ERN1: variants seen among roughly 807,000 people sequenced by gnomAD.
The protein encoded by ERN1 is endoplasmic reticulum to nucleus signaling 1.
ERN1 carries 39 observed loss-of-function variants against 113.1 expected under a neutral mutation model. That is an observed-to-expected ratio of 0.34 (90% CI 0.27 to 0.45). The LOEUF is 0.45. Among genes scored for constraint, ERN1 ranks in the 20% least tolerant of loss-of-function variants. The probability of loss-of-function intolerance (pLI) is 1.00; values close to 1 mark genes in which losing one functional copy is unlikely to be tolerated. For missense variants in ERN1, 976 were observed against 1,274.8 expected (o/e 0.77, Z 3.57); for synonymous variants, 507 against 515.9 (o/e 0.98, Z 0.23).
In ERN1 at chr17:64,042,455, C is replaced by T. The variant is rs1398856904; in HGVS notation, c.*1533G>A. Reference sequence around the variant, plus strand: ...GAAAACATCTTACAACATGAAGAAACAGTGATTTCTCTGTGAGTAAAATTC... The same window carrying T: ...GAAAACATCTTACAACATGAAGAAATAGTGATTTCTCTGTGAGTAAAATTC... On this transcript the variant is annotated 3_prime_UTR_variant, in exon 22 of 22. Coordinates refer to ENST00000433197, the MANE Select transcript of ERN1 (RefSeq NM_001433.5). 1.3e-5 allele frequency: 2 copies of T among 152,144 alleles called. No individual in the cohort carries two copies. The highest frequency in any genetic ancestry group is 2.4e-5 in the African/African-American group (1 of 41,422). The allele number at this position is 152,144 out of a possible 1,614,324, so 9.4% of individuals were successfully genotyped here.
At chr17:64,090,820 C>T (rs1215742457) in intron 2 of ERN1, among the ~76,000 whole-genome samples, 1 of 152,156 alleles carries the variant, frequency 6.6e-6, no homozygotes, top group African/African-American at 2.4e-5. Flanking sequence ...AAACCAGTCC[C>T]TGTTGAAGCT....
chr17:64,039,642 TAAATAG>T lies in ERN1; in HGVS notation c.*4340_*4345del, dbSNP rs1332000353. The stretch of plus-strand genomic sequence containing the variant: ...TTTCAGAGTAAAAATTAAATAAATA[TAAATAG>T]GTTAAATAAATAGGTCATTGCAAAA... On this transcript the variant is annotated 3_prime_UTR_variant, in exon 22 of 22. Transcript: ENST00000433197. 6.6e-6 allele frequency: 1 copy of T among 152,142 alleles called. No homozygotes were observed. Among genetic ancestry groups the T allele is most frequent in the Non-Finnish European group, 1.5e-5 (1 of 68,028 alleles). The allele number at this position is 152,142 out of a possible 1,614,324, so 9.4% of individuals were successfully genotyped here. A position where few individuals can be genotyped will look rare whatever the true frequency, so the allele number is the denominator to read the frequency against.
chr17:64,063,979 CTCTTACCTA>C lies in ERN1; in HGVS notation c.1085_1087+6del. The stretch of plus-strand genomic sequence containing the variant: ...ACCTCAGGCTACTGTGGGAGACCTG[CTCTTACCTA>C]TCAGAAGCCAGTAATTCCTCAAGTA... On this transcript the variant is annotated splice_donor_variant and splice_donor_5th_base_variant and coding_sequence_variant and intron_variant, in exon 10 of 22. Coordinates refer to ENST00000433197, the MANE Select transcript of ERN1 (RefSeq NM_001433.5). LOFTEE classifies it high-confidence loss of function. This position sits in a 1 kb window ranked among gnomAD's most constrained non-coding sequence, Gnocchi z 5.1. 6.2e-7 allele frequency: 1 copy of C among 1,613,424 alleles called. No homozygotes were observed. Among genetic ancestry groups the C allele is most frequent in the Non-Finnish European group, 8.5e-7 (1 of 1,179,558 alleles).
In ERN1 at chr17:64,044,848, C is replaced by T; in HGVS notation, c.2721+12G>A. ...CACTGGGTCTCCTCCCCAGCATTTA[C>T]AAACTGCTTACCTTATTTCTCATGG... On this transcript the variant is annotated intron_variant, in intron 21 of 21. Coordinates refer to ENST00000433197, the MANE Select transcript of ERN1 (RefSeq NM_001433.5). The surrounding 1 kb of genome is among the most constrained non-coding windows in gnomAD (Gnocchi z 4.1). 1 of 1,568,554 alleles carries T rather than the reference C, an allele frequency of 6.4e-7. No homozygotes were observed. Among genetic ancestry groups the T allele is most frequent in the South Asian group, 1.2e-5 (1 of 85,678 alleles).
rs189268645 is a variant in ERN1, at chr17:64,105,772, C to T, written c.55-7531G>A. ...CCTGAGATCAGGAGTTCGAGACCAG[C>T]CTGGCCAACGTGGTGAAACCCTGTC... On this transcript the variant is annotated intron_variant, in intron 1 of 21. Coordinates refer to ENST00000433197, the MANE Select transcript of ERN1 (RefSeq NM_001433.5). Among the ~76,000 whole-genome samples the T allele has an allele frequency of 2.5e-3, 377 of 152,280 alleles. 6 individuals are homozygous for T. The highest frequency in any genetic ancestry group is 0.024 in the Admixed American group (360 of 15,294).
At chr17:64,091,135 A>G (rs1567876929) in intron 2 of ERN1, among the ~76,000 whole-genome samples, 1 of 152,236 alleles carries the variant, frequency 6.6e-6, no homozygotes, top group Non-Finnish European at 1.5e-5. Context: ...TTAACAAAAC[A>G]TCATCACTTT....
In ERN1 at chr17:64,045,262, G is replaced by T; in HGVS notation, c.2653+97C>A. On this transcript the variant is annotated intron_variant, in intron 20 of 21. Coordinates refer to ENST00000433197, the MANE Select transcript of ERN1 (RefSeq NM_001433.5). ...TCAAACCTGACAGGTGGGATGTGGG[G>T]CCTGAACAGCCTGGAGCGGCCATTT... 2.1e-5 allele frequency: 30 copies of T among 1,416,618 alleles called. 1 individual carries two copies. In the South Asian group the frequency reaches 3.7e-4, roughly 17 times the overall value. 87.8% of individuals were successfully genotyped at this position (1,416,618 alleles called of 1,614,324 possible).
chr17:64,088,815 A>G (rs1273207499), intron 2 of ERN1, among the ~76,000 whole-genome samples: 1 of 152,150 alleles, frequency 6.6e-6, no homozygotes, highest in Non-Finnish European at 1.5e-5. Context: ...AGCCGGCCCC[A>G]AGCACAGGGA....
intron 17 of ERN1, among the ~76,000 whole-genome samples, chr17:64,051,441 C>T (rs1204279207): frequency 6.6e-6 from 1 of 152,222 alleles, no homozygotes; most frequent in Non-Finnish European, 1.5e-5. Flanking sequence ...CAGATACAAT[C>T]TGCCATCACA....
chr17:64,050,942 G>A (rs1375240911), intron 17 of ERN1, among the ~76,000 whole-genome samples: 2 of 152,236 alleles, frequency 1.3e-5, no homozygotes, highest in Non-Finnish European at 2.9e-5. Flanking sequence ...GGTCTCCATC[G>A]GGGAGTGTCC....
At position 64,039,363 on chromosome 17, in the gene ERN1, T is replaced by C. The variant is rs1404839184; in HGVS notation, c.*4625A>G. ...TTTGGGTTCCACAAAGAAGACTGTATCACACAATTAACACGTACTAATTAA... is the reference window on the plus strand; with the variant it reads ...TTTGGGTTCCACAAAGAAGACTGTACCACACAATTAACACGTACTAATTAA... On this transcript the variant is annotated 3_prime_UTR_variant, in exon 22 of 22. Transcript: ENST00000433197. 6.6e-6 allele frequency: 1 copy of C among 152,168 alleles called. No homozygotes were observed. Among genetic ancestry groups the C allele is most frequent in the East Asian group, 1.9e-4 (1 of 5,196 alleles). 9.4% of individuals were successfully genotyped at this position (152,168 alleles called of 1,614,324 possible).
At position 64,049,364 on chromosome 17, in the gene ERN1, C is replaced by T. The variant is rs531208993; in HGVS notation, c.2254-162G>A. ...GCACAGAGCAGCGAGGGCTAACCTGCAGCACTGCATGGGTGTCAGAGGTCC... is the reference window on the plus strand; with the variant it reads ...GCACAGAGCAGCGAGGGCTAACCTGTAGCACTGCATGGGTGTCAGAGGTCC... On this transcript the variant is annotated intron_variant, in intron 17 of 21. Coordinates refer to ENST00000433197, the MANE Select transcript of ERN1 (RefSeq NM_001433.5). This position sits in a 1 kb window ranked among gnomAD's most constrained non-coding sequence, Gnocchi z 4.7. 6.6e-6 allele frequency among the ~76,000 whole-genome samples: 1 copy of T among 152,344 alleles called. No homozygotes were observed. The highest frequency in any genetic ancestry group is 1.9e-4 in the East Asian group (1 of 5,184).
intron 16 of ERN1, 63 bp downstream of exon 16, chr17:64,053,209 C>A: frequency 7.2e-7 from 1 of 1,396,784 alleles, no homozygotes; most frequent in Admixed American, 2.1e-5. Flanking sequence ...TACTGGTTAG[C>A]CCCACCTGGG....
chr17:64,118,560 A>G (rs1328114612), intron 1 of ERN1, among the ~76,000 whole-genome samples: 1 of 152,216 alleles, frequency 6.6e-6, no homozygotes, highest in Non-Finnish European at 1.5e-5. Context: ...TTGTATTCAA[A>G]GAGCGGGCTC....
intron 11 of ERN1, among the ~76,000 whole-genome samples, chr17:64,059,268 C>T (rs1912976230): frequency 6.6e-6 from 1 of 152,226 alleles, no homozygotes; most frequent in Non-Finnish European, 1.5e-5. Flanking sequence ...TCTTGAAAGT[C>T]TACAATTTCC....
chr17:64,059,591 T>TG (rs1046974246), intron 11 of ERN1, among the ~76,000 whole-genome samples: 1 of 152,156 alleles, frequency 6.6e-6, no homozygotes, highest in African/African-American at 2.4e-5. Context: ...CCCAACCCCC[T>TG]GGGGTTTTTG....
At chr17:64,065,423 G>T (rs966808584) in intron 8 of ERN1, 136 bp from the exon 9 acceptor site, 4 of 618,338 alleles carry the variant, frequency 6.5e-6, no homozygotes, top group Admixed American at 3.2e-5. Context: ...CGCAGTAGGG[G>T]TGTGAAGCTA....
intron 1 of ERN1, among the ~76,000 whole-genome samples, chr17:64,127,508 T>G (rs1163724755): frequency 6.6e-6 from 1 of 151,982 alleles, no homozygotes; most frequent in Non-Finnish European, 1.5e-5. Context: ...AATCCCAGCA[T>G]TTTGGAAGGC....
At chr17:64,079,821 G>A in intron 3 of ERN1, 87 bp from the exon 4 acceptor site, 1 of 1,022,250 alleles carries the variant, frequency 9.8e-7, no homozygotes, top group Non-Finnish European at 1.5e-6. Flanking sequence ...CATGATGGAG[G>A]AATAGAGAGT....
Sources: gnomAD v4.1 joint callset for allele counts (sites outside exome capture counted in the v4.1 genomes callset) on GRCh38, gnomAD v4.1.1 for gene constraint, Gnocchi (gnomAD v3.1) non-coding constraint, MANE v1.5 for transcripts, NCBI Gene and HGNC (gene_info 2026-07-23, HGNC 2026-07-21) for gene names.